Variants in CSF1R observed in about 807,000 individuals in gnomAD.
CSF1R encodes colony stimulating factor 1 receptor, also known as macrophage colony-stimulating factor 1 receptor.
Under a neutral mutation model 110.0 loss-of-function variants are expected in CSF1R, and 40 were observed. The ratio of observed to expected loss-of-function variants is 0.36; its 90% CI spans 0.28 to 0.47. CSF1R has a LOEUF of 0.47. Ranked by LOEUF, CSF1R falls within the 20% of genes least tolerant of loss-of-function variation. The probability of loss-of-function intolerance (pLI) is 0.99; values close to 1 mark genes in which losing one functional copy is unlikely to be tolerated. For missense variants in CSF1R, 1,052 were observed against 1,253.0 expected (o/e 0.84, Z 2.42); for synonymous variants, 523 against 503.4 (o/e 1.04, Z -0.52).
chr5:150,084,392 AAGG>A (rs1758723711), intron 1 of CSF1R, among the ~76,000 whole-genome samples: 1 of 29,560 alleles, frequency 3.4e-5, no homozygotes, highest in Non-Finnish European at 6.9e-5. Flanking sequence ...AGAAAGAAAG[AAGG>A]AAGGAAGGAA....
At chr5:150,093,711 T>C (rs1759118835) in intron 1 of CSF1R, among the ~76,000 whole-genome samples, 1 of 152,222 alleles carries the variant, frequency 6.6e-6, no homozygotes, top group Non-Finnish European at 1.5e-5. Context: ...ATTACCCTGA[T>C]GTGATCATTA....
rs527265264 is a variant in CSF1R at position 150,102,321 on chromosome 5, C to T, written c.-181+10940G>A. ...GATATCACTGATCTTTAAAATTATT[C>T]GCAGTCTGGTAGGAAAAAATGTTAA... On this transcript the variant is annotated intron_variant, in intron 1 of 21. Transcript: ENST00000286301. 4.6e-5 allele frequency among the ~76,000 whole-genome samples: 7 copies of T among 152,286 alleles called. No homozygotes were observed. The East Asian group carries it at 7.7e-4, about 17-fold the overall frequency.
intron 14 of CSF1R, chr5:150,058,090 C>A (rs1182157584): frequency 5.1e-6 from 2 of 392,468 alleles, no homozygotes; most frequent in African/African-American, 2.1e-5. Flanking sequence ...AGATTTAAAT[C>A]TCCCCAGGTG....
In CSF1R at chr5:150,070,018, A is replaced by G; in HGVS notation, c.1365T>C (p.Pro455=). The G allele has an allele frequency of 6.2e-7, 1 of 1,614,118 alleles. No individual in the cohort carries two copies. ...GGAAGGGCTCCTGGCTCAGGACCTC[A>G]GGGTATGGGTCATCCCAGACCTGCA... ...QVLQVWDDPY[P]EVLSQEPFHK... The change falls in exon 9 of 21, where the codon CCT becomes CCC. Residue 455 remains proline (P), a synonymous_variant. Transcript: ENST00000675795.
chr5:150,091,213 G>A (rs903602117), upstream of CSF1R, among the ~76,000 whole-genome samples: 4 of 152,134 alleles, frequency 2.6e-5, no homozygotes, highest in African/African-American at 9.7e-5. Flanking sequence ...CAGCTGCTAT[G>A]GTAATCAGTT....
chr5:150,112,167 C>G (rs191980700), intron 1 of CSF1R, among the ~76,000 whole-genome samples: 1 of 152,362 alleles, frequency 6.6e-6, no homozygotes, highest in East Asian at 1.9e-4. Flanking sequence ...TCACCATTCT[C>G]TGGTTTTCCT....
chr5:150,081,439 C>T (rs1168286810), intron 1 of CSF1R, among the ~76,000 whole-genome samples: 1 of 152,058 alleles, frequency 6.6e-6, no homozygotes, highest in Non-Finnish European at 1.5e-5. Context: ...TGTTCACGGC[C>T]AAGTCCTCAG....
chr5:150,104,744 C>T (rs1038691195), intron 1 of CSF1R, among the ~76,000 whole-genome samples: 1 of 152,164 alleles, frequency 6.6e-6, no homozygotes, highest in African/African-American at 2.4e-5. Flanking sequence ...CCATTCTGAT[C>T]CACTGATTTT....
Position 150,060,968 on chromosome 5 carries a change from C to A in CSF1R, c.1863G>T (p.Thr621=), listed in dbSNP as rs758666245. ...LKVAVKMLKS[T]AHADEKEALM... is the part of the protein sequence containing the mutation. ...GGGCCTCCTTCTCATCAGCATGGGC[C>A]GTGGCTGGGAGGAAGAACCACAGTC... The change falls in exon 13 of 21, where the codon ACG becomes ACT. Residue 621 remains threonine (T), a synonymous_variant. Coordinates refer to ENST00000675795, the MANE Select transcript of CSF1R (RefSeq NM_001288705.3). 2.5e-6 allele frequency: 4 copies of A among 1,595,854 alleles called. No homozygotes were observed. Among genetic ancestry groups the A allele is most frequent in the Non-Finnish European group, 2.6e-6 (3 of 1,170,336 alleles).
chr5:150,066,924 G>A (rs216148), intron 10 of CSF1R: 34,582 of 152,646 alleles, frequency 0.23, 6,050 homozygotes, highest in East Asian at 0.47. Context: ...TCCCCCAGAG[G>A]TACCCTTTCC....
chr5:150,094,338 G>C, intron 1 of CSF1R: 2 of 1,599,578 alleles, frequency 1.3e-6, no homozygotes, highest in Admixed American at 1.7e-5. Flanking sequence ...GGAGGTTCCT[G>C]CTGTGCCAGA....
At chr5:150,107,058 C>G (rs2113869150) in intron 1 of CSF1R, among the ~76,000 whole-genome samples, 1 of 152,324 alleles carries the variant, frequency 6.6e-6, no homozygotes, top group Admixed American at 6.5e-5. Context: ...GATGAGTGCT[C>G]AGTCAATGCC....
At position 150,059,756 on chromosome 5, in the gene CSF1R, G is replaced by A. The variant is rs1315927856; in HGVS notation, c.2076C>T (p.Asp692=). The part of the protein sequence containing the change: ...MLGPSLSPGQ[D]PEGGVDYKNI... The stretch of plus-strand genomic sequence containing the variant: ...TCTTATAGTCGACGCCTCCCTCGGG[G>A]TCCTGGCCGGGGCTCAGGCTGGGTC... The change falls in exon 14 of 21, where the codon GAC becomes GAT. Residue 692 remains aspartate, a synonymous_variant. Coordinates refer to ENST00000675795, the MANE Select transcript of CSF1R (RefSeq NM_001288705.3). 1.9e-6 allele frequency: 3 copies of A among 1,614,150 alleles called. No homozygotes were observed. The highest frequency in any genetic ancestry group is 1.7e-6 in the Non-Finnish European group (2 of 1,180,042).
rs376388107 is a variant in CSF1R, at chr5:150,069,983, G to A, written c.1400C>T (p.Thr467Met). ...VLSQEPFHKV[T>M]VQSLLTVETL... ...CTCAACAGTCAGCAGGCTCTGCACC[G>A]TCACCTTGTGGAAGGGCTCCTGGCT... is the stretch of plus-strand genomic sequence containing the variant. The change falls in exon 9 of 21, where the codon ACG (threonine) becomes ATG (methionine). Residue 467 changes from threonine (T) to methionine (M), a missense_variant. Thr to Met is a moderately conservative substitution (Grantham distance 81, BLOSUM62 -1). This residue lies in a region of CSF1R where 693 missense variants were observed against 735.4 expected (regional missense o/e 0.94). Coordinates refer to ENST00000675795, the MANE Select transcript of CSF1R (RefSeq NM_001288705.3). The A allele has an allele frequency of 5.1e-5, 83 of 1,614,016 alleles. No homozygotes were observed. Among genetic ancestry groups the A allele is most frequent in the South Asian group, 4.6e-4 (42 of 91,082 alleles).
chr5:150,087,303 G>A (rs1758881149), upstream of CSF1R, among the ~76,000 whole-genome samples: 1 of 152,204 alleles, frequency 6.6e-6, no homozygotes, highest in Non-Finnish European at 1.5e-5. Context: ...GTTGGTCTGG[G>A]AGAGCCTGAT....
rs150547844 is a variant in CSF1R at position 150,080,888 on chromosome 5, A to G, written c.186T>C (p.Ser62=). The G allele has an allele frequency of 2.5e-5, 41 of 1,614,064 alleles. No homozygotes were observed. Among genetic ancestry groups the G allele is most frequent in the Non-Finnish European group, 3.5e-5 (41 of 1,180,036 alleles). ...TGCTGAGGATGCTGCTGGAGCCATC[A>G]GAGTACAGGGTCCAGTGAGGTGATG... is the stretch of plus-strand genomic sequence containing the variant. ...GPPSPHWTLY[S]DGSSSILSTN... Residue 62 remains serine (S), a synonymous_variant, in exon 2 of 21, where the codon TCT becomes TCC. Coordinates refer to ENST00000675795, the MANE Select transcript of CSF1R (RefSeq NM_001288705.3).
At chr5:150,085,234 C>A (rs528750909) in intron 1 of CSF1R, among the ~76,000 whole-genome samples, 43 of 142,976 alleles carry the variant, frequency 3.0e-4, no homozygotes, top group African/African-American at 1.1e-3. Context: ...CGAGATTGTG[C>A]CACTGTACTC....
In CSF1R at chr5:150,070,475, C is replaced by T. The variant is rs767546915; in HGVS notation, c.1179G>A (p.Thr393=). 74 of 1,559,580 alleles carry T rather than the reference C, an allele frequency of 4.7e-5. No individual in the cohort carries two copies. Among genetic ancestry groups the T allele is most frequent in the Non-Finnish European group, 5.8e-5 (67 of 1,152,552 alleles). The part of the protein sequence containing the change: ...ARNPGGWRAL[T]FELTLRYPPE... The stretch of plus-strand genomic sequence containing the variant: ...ACTCACATCGAAGGGTGAGCTCAAA[C>T]GTCAGAGCTCTCCAGCCTCCTGGGT... Residue 393 remains threonine (T), a synonymous_variant, in exon 7 of 21, where the codon ACG becomes ACA. Coordinates refer to ENST00000675795, the MANE Select transcript of CSF1R (RefSeq NM_001288705.3).
chr5:150,083,495 A>G (rs1758657221), intron 1 of CSF1R, among the ~76,000 whole-genome samples: 1 of 151,378 alleles, frequency 6.6e-6, no homozygotes, highest in Non-Finnish European at 1.5e-5. Context: ...GTCCTCCAAT[A>G]CCATCCCCAG....
Sources: allele counts gnomAD v4.1 joint callset (sites outside exome capture counted in the v4.1 genomes callset), GRCh38; gene constraint gnomAD v4.1.1; regional missense constraint gnomAD v4.1.1; transcripts MANE v1.5; gene names NCBI Gene and HGNC (gene_info 2026-07-23, HGNC 2026-07-21).